Variants in URI1 observed in about 807,000 individuals in gnomAD.
The protein encoded by URI1 is unconventional prefoldin RPB5 interactor 1.
In URI1, 39 loss-of-function variants were observed where a neutral mutation model predicts 60.2. The ratio of observed to expected loss-of-function variants is 0.65; its 90% CI spans 0.50 to 0.85. The LOEUF (loss-of-function observed/expected upper bound fraction) is 0.85, where lower values mean the gene tolerates loss of function less well. Ranked by LOEUF, URI1 falls within the 40% of genes least tolerant of loss-of-function variation. The pLI is 0.00. For missense variants in URI1, 691 were observed against 665.9 expected (o/e 1.04, Z -0.42); for synonymous variants, 251 against 236.8 (o/e 1.06, Z -0.55).
intron 10 of URI1, among the ~76,000 whole-genome samples, chr19:30,014,417 T>G (rs1253771955): frequency 2.0e-5 from 3 of 152,284 alleles, no homozygotes; most frequent in Middle Eastern, 3.4e-3. Flanking sequence ...CAAAGAGATA[T>G]CAGTTAGAAA....
chr19:30,012,735 T>A, intron 10 of URI1: 1 of 571,428 alleles, frequency 1.7e-6, no homozygotes, highest in Non-Finnish European at 2.7e-6. Context: ...TTACTTGTCT[T>A]AACGTTCTAT....
At chr19:29,944,139 T>TTA (rs1568408090) in intron 1 of URI1, among the ~76,000 whole-genome samples, 3 of 30,590 alleles carry the variant, frequency 9.8e-5, no homozygotes, top group African/African-American at 1.8e-4. Context: ...ACCCTGTCAT[T>TTA]CATATATATA....
At chr19:29,925,500 T>TG (rs2145185517) in intron 1 of URI1, 2 of 152,384 alleles carry the variant, frequency 1.3e-5, no homozygotes, top group African/African-American at 4.8e-5. Flanking sequence ...ACAGGTGTGA[T>TG]GCTTATAATG....
At chr19:29,958,486 T>C (rs1206924454) in intron 1 of URI1, among the ~76,000 whole-genome samples, 3 of 152,238 alleles carry the variant, frequency 2.0e-5, no homozygotes, top group African/African-American at 7.2e-5. Context: ...TAAATTACTT[T>C]GATTCTTTAA....
At chr19:29,957,665 A>T (rs2055266725) in intron 1 of URI1, among the ~76,000 whole-genome samples, 1 of 152,216 alleles carries the variant, frequency 6.6e-6, no homozygotes, top group Non-Finnish European at 1.5e-5. Context: ...ATACTCAAAA[A>T]ATAACATTAC....
At chr19:29,996,479 TTGTGTG>T (rs140817981) in intron 4 of URI1, among the ~76,000 whole-genome samples, 45 of 150,524 alleles carry the variant, frequency 3.0e-4, no homozygotes, top group African/African-American at 1.0e-3. Context: ...CAAGGGTGTT[TTGTGTG>T]TGTGTGTGTG....
upstream of URI1, among the ~76,000 whole-genome samples, chr19:29,938,425 A>T (rs2054992312): frequency 6.6e-6 from 1 of 152,162 alleles, no homozygotes; most frequent in Non-Finnish European, 1.5e-5. Flanking sequence ...ACCATTCATG[A>T]GGGATCCGCC....
upstream of URI1, chr19:29,942,189 CG>C (rs1238351129): frequency 6.1e-6 from 6 of 980,664 alleles, no homozygotes; most frequent in East Asian, 4.5e-4. Context: ...CTGGGCGTGT[CG>C]GGGGCGGGGC....
rs1052573454 is a variant in URI1, at chr19:29,963,456, G to T, written c.118-7737G>T. Among the ~76,000 whole-genome samples the T allele has an allele frequency of 2.0e-5, 3 of 152,048 alleles. No individual in the cohort carries two copies. The East Asian group carries it at 5.8e-4, about 29-fold the overall frequency. On this transcript the variant is annotated intron_variant, in intron 1 of 10. Transcript: ENST00000392271. Reference sequence around the variant, plus strand: ...CATTGGTTTCTTCCTGTAGATTTCAGTTCTCTAGTGAAAATTGCTATTTTT... The same window carrying T: ...CATTGGTTTCTTCCTGTAGATTTCATTTCTCTAGTGAAAATTGCTATTTTT...
intron 1 of URI1, among the ~76,000 whole-genome samples, chr19:29,946,329 T>A (rs1870662338): frequency 6.6e-6 from 1 of 152,180 alleles, no homozygotes; most frequent in Non-Finnish European, 1.5e-5. Context: ...ATTCTAAGAA[T>A]TGCATTATGT....
upstream of URI1, among the ~76,000 whole-genome samples, chr19:29,939,020 C>T (rs1238441316): frequency 2.7e-5 from 4 of 150,506 alleles, no homozygotes; most frequent in Non-Finnish European, 4.4e-5. Context: ...TCTTGTTGCC[C>T]AGGCTGGGGT....
intron 1 of URI1, among the ~76,000 whole-genome samples, chr19:29,952,597 GT>G (rs999552354): frequency 5.3e-5 from 8 of 152,184 alleles, no homozygotes; most frequent in African/African-American, 1.9e-4. Flanking sequence ...TGTCTTCAGG[GT>G]TTTTTTCTCC....
chr19:29,956,285 CTT>C (rs369678110), intron 1 of URI1: 7,240 of 368,184 alleles, frequency 0.02, no homozygotes, highest in South Asian at 0.031. Context: ...CCAGAGTAGT[CTT>C]TTTTTTTTTT....
At chr19:29,947,385 C>G (rs1268150048) in intron 1 of URI1, among the ~76,000 whole-genome samples, 1 of 152,166 alleles carries the variant, frequency 6.6e-6, no homozygotes, top group Non-Finnish European at 1.5e-5. Context: ...CAGTTTGTTT[C>G]TAGTTTTTGC....
intron 1 of URI1, chr19:29,958,082 C>T (rs2055274079): frequency 6.6e-6 from 1 of 152,122 alleles, no homozygotes; most frequent in African/African-American, 2.4e-5. Context: ...TGTGAGCCAC[C>T]ATGCCTGGCC....
intron 1 of URI1, among the ~76,000 whole-genome samples, chr19:29,967,138 T>C (rs900775752): frequency 6.6e-6 from 1 of 152,234 alleles, no homozygotes; most frequent in Non-Finnish European, 1.5e-5. Context: ...TATAAAATAA[T>C]TTTTAAAAAG....
chr19:29,975,464 C>T (rs2055508720), intron 2 of URI1, among the ~76,000 whole-genome samples: 1 of 150,980 alleles, frequency 6.6e-6, no homozygotes, highest in South Asian at 2.1e-4. Flanking sequence ...GTATAGGTTC[C>T]TCCTAACTTT....
Position 29,932,090 on chromosome 19 carries a change from G to A in URI1, c.63+8336G>A, listed in dbSNP as rs144620224. ...CTGTGACTAGAACTCTTAGTACTAC[G>A]CTAAATAGTAGTGGTAAAAGTGGGC... On this transcript the variant is annotated intron_variant, in intron 1 of 10. Coordinates refer to the URI1 transcript ENST00000360605. Among the ~76,000 whole-genome samples the A allele has an allele frequency of 1.4e-3, 216 of 151,990 alleles. 1 individual carries two copies. The highest frequency in any genetic ancestry group is 4.8e-3 in the African/African-American group (197 of 41,454).
intron 1 of URI1, among the ~76,000 whole-genome samples, chr19:29,934,458 C>A (rs1452606422): frequency 6.6e-6 from 1 of 152,200 alleles, no homozygotes; most frequent in Admixed American, 6.5e-5. Flanking sequence ...AGGCCTCACC[C>A]CTTGGCTTGC....
Sources: gnomAD v4.1 joint callset for allele counts (sites outside exome capture counted in the v4.1 genomes callset) on GRCh38, gnomAD v4.1.1 for gene constraint, MANE v1.5 for transcripts, NCBI Gene and HGNC (gene_info 2026-07-23, HGNC 2026-07-21) for gene names.